ZNF567: variants seen among roughly 807,000 people sequenced by gnomAD.
The protein encoded by ZNF567 is zinc finger protein 567.
Under a neutral mutation model 53.9 loss-of-function variants are expected in ZNF567, and 36 were observed. The observed-to-expected ratio is 0.67, with a 90% CI of 0.51 to 0.88. The LOEUF (loss-of-function observed/expected upper bound fraction) is 0.88, where lower values mean the gene tolerates loss of function less well. ZNF567 is among the 40% of genes least tolerant of loss of function. ZNF567 has a pLI of 0.00. For missense variants in ZNF567, 619 were observed against 764.7 expected (o/e 0.81, Z 2.25); for synonymous variants, 224 against 260.4 (o/e 0.86, Z 1.35).
At position 36,719,447 on chromosome 19, in the gene ZNF567, TAAAAAAAGAAG is replaced by T; in HGVS notation, c.725_735del (p.Lys242SerfsTer5). 1.2e-6 allele frequency: 2 copies of T among 1,610,550 alleles called. No homozygotes were observed. The highest frequency in any genetic ancestry group is 1.7e-6 in the Non-Finnish European group (2 of 1,179,214). ...AAGGAGAAAACCCATCTGTATATAA[TAAAAAAAGAAG>T]AGCAACCAATATTGAAAAAAAACAT... On this transcript the variant is annotated frameshift_variant, in exon 6 of 6. Coordinates refer to ENST00000682579, the MANE Select transcript of ZNF567 (RefSeq NM_001322917.1). LOFTEE classifies it high-confidence loss of function.
At chr19:36,701,016 G>A (rs1172339763) in intron 3 of ZNF567, among the ~76,000 whole-genome samples, 1 of 151,742 alleles carries the variant, frequency 6.6e-6, no homozygotes, top group South Asian at 2.1e-4. Context: ...TGTGATGTTA[G>A]GGTGTCAATT....
Position 36,719,310 on chromosome 19 carries a change from G to C in ZNF567, c.586G>C (p.Val196Leu). The change falls in exon 6 of 6, where the codon GTT becomes CTT. Residue 196 changes from valine (V) to leucine (L), a missense_variant. Physicochemically the swap from Val to Leu is conservative, Grantham distance 32. Transcript: ENST00000682579. ...TGCCAGAGCTTTCAGTCATAATGAA[G>C]TTCTTATGCAGTATCAGAAAACGGA... ...QSARAFSHNE[V>L]LMQYQKTETP... The C allele has an allele frequency of 6.2e-7, 1 of 1,613,328 alleles. No homozygotes were observed.
At chr19:36,712,746 GC>G (rs1568707879) in intron 4 of ZNF567, 34 bp from the exon 5 acceptor site, 1 of 1,590,978 alleles carries the variant, frequency 6.3e-7, no homozygotes, top group Admixed American at 1.7e-5. Context: ...TGGTATTATA[GC>G]CCAATCAACT....
chr19:36,706,771 G>A (rs1476324497), intron 3 of ZNF567, among the ~76,000 whole-genome samples: 5 of 139,868 alleles, frequency 3.6e-5, no homozygotes, highest in South Asian at 2.4e-4. Flanking sequence ...TCCTCCCACC[G>A]TAGCCACCTG....
chr19:36,697,918 CTT>C (rs71171464), intron 3 of ZNF567, among the ~76,000 whole-genome samples: 30,352 of 135,706 alleles, frequency 0.22, 3,060 homozygotes, highest in Middle Eastern at 0.28. Context: ...GCTGGAATTT[CTT>C]TTTTTTTTTT....
At chr19:36,677,525 G>A in the ZNF567 span, among the ~76,000 whole-genome samples, 2 of 148,088 alleles carry the variant, frequency 1.4e-5, no homozygotes, top group African/African-American at 5.0e-5. Context: ...CCAGCACTTT[G>A]GGAGGCCGAG....
At position 36,697,918 on chromosome 19, in the gene ZNF567, C is replaced by CTT. The variant is rs71171464; in HGVS notation, c.9+3059_9+3060dup. 3.4e-4 allele frequency among the ~76,000 whole-genome samples: 46 copies of CTT among 135,730 alleles called. No individual in the cohort carries two copies. In the East Asian group the frequency reaches 7.2e-3, roughly 21 times the overall value. The allele number at this position is 135,730 out of a possible 152,430, so 89.0% of individuals were successfully genotyped here. ...GAGCCACCATGTCCGGCTGGAATTT[C>CTT]TTTTTTTTTTTTTTTTTTATTATAC... On this transcript the variant is annotated intron_variant, in intron 3 of 5. Transcript: ENST00000682579.
intron 2 of ZNF567, among the ~76,000 whole-genome samples, chr19:36,693,345 A>G (rs1187901927): frequency 6.6e-6 from 1 of 152,092 alleles, no homozygotes; most frequent in East Asian, 1.9e-4. Flanking sequence ...GTACATGCCT[A>G]TGGTCCCTGC....
the ZNF567 span, among the ~76,000 whole-genome samples, chr19:36,678,753 A>C: frequency 6.6e-6 from 1 of 151,800 alleles, no homozygotes; most frequent in Non-Finnish European, 1.5e-5. Context: ...CTGAGGCAGG[A>C]GAATGGTGTG....
chr19:36,721,776 G>A (rs762478879), downstream of ZNF567, among the ~76,000 whole-genome samples: 10 of 115,902 alleles, frequency 8.6e-5, no homozygotes, highest in African/African-American at 1.6e-4. Context: ...ACAGAGTCTC[G>A]CTCTGTTGCC....
chr19:36,675,985 C>T, the ZNF567 span, among the ~76,000 whole-genome samples: 43 of 144,306 alleles, frequency 3.0e-4, no homozygotes, highest in African/African-American at 1.1e-3. Context: ...CATAGCTGTA[C>T]ATATAATAAC....
At chr19:36,699,368 T>C (rs1203262839) in intron 3 of ZNF567, among the ~76,000 whole-genome samples, 2 of 152,198 alleles carry the variant, frequency 1.3e-5, no homozygotes, top group African/African-American at 2.4e-5. Context: ...TGCCTCCAGC[T>C]TTGTTCTTTC....
chr19:36,719,106 A>G lies in ZNF567; in HGVS notation c.382A>G (p.Lys128Glu), dbSNP rs753407823. ...FTLGKNPVNS[K>E]NLPPEYDTHG... ...TCTAGGCAAAAACCCTGTGAATTCAAAAAATCTACCTCCTGAATATGATAC... is the reference window on the plus strand; with the variant it reads ...TCTAGGCAAAAACCCTGTGAATTCAGAAAATCTACCTCCTGAATATGATAC... Residue 128 changes from lysine to glutamate, a missense_variant, in exon 6 of 6, where the codon AAA becomes GAA. Coordinates refer to ENST00000682579, the MANE Select transcript of ZNF567 (RefSeq NM_001322917.1). 3 of 1,611,492 alleles carry G rather than the reference A, an allele frequency of 1.9e-6. No individual in the cohort carries two copies. The highest frequency in any genetic ancestry group is 1.7e-6 in the Non-Finnish European group (2 of 1,179,398).
the ZNF567 span, among the ~76,000 whole-genome samples, chr19:36,679,654 C>G: frequency 3.3e-5 from 5 of 152,260 alleles, no homozygotes; most frequent in East Asian, 7.7e-4. Flanking sequence ...CAGCCTTAAA[C>G]ATGAAATTCT....
At chr19:36,695,462 G>A (rs957986384) in intron 3 of ZNF567, among the ~76,000 whole-genome samples, 20 of 152,164 alleles carry the variant, frequency 1.3e-4, no homozygotes, top group Non-Finnish European at 2.6e-4. Flanking sequence ...CCAGGAGGCA[G>A]AGGTTGCAGT....
intron 3 of ZNF567, among the ~76,000 whole-genome samples, chr19:36,706,362 T>A (rs1360388550): frequency 6.6e-6 from 1 of 152,216 alleles, no homozygotes; most frequent in Non-Finnish European, 1.5e-5. Flanking sequence ...GGCACAATCA[T>A]GGCTCACTTC....
chr19:36,719,628 A>C lies in ZNF567; in HGVS notation c.904A>C (p.Thr302Pro). The C allele has an allele frequency of 6.2e-7, 1 of 1,614,034 alleles. No homozygotes were observed. The highest frequency in any genetic ancestry group is 1.1e-5 in the South Asian group (1 of 91,088). Residue 302 changes from threonine to proline, a missense_variant, in exon 6 of 6, where the codon ACT becomes CCT. Coordinates refer to ENST00000682579, the MANE Select transcript of ZNF567 (RefSeq NM_001322917.1). ...ATCATATCTCATTGATCATCAGAGA[A>C]CTCACACAGGAGAGAAACCCTTTGT... ...RKSYLIDHQR[T>P]HTGEKPFVCN...
At chr19:36,710,280 CTTTTTT>C (rs35115492) in intron 3 of ZNF567, among the ~76,000 whole-genome samples, 4 of 76,098 alleles carry the variant, frequency 5.3e-5, no homozygotes, top group African/African-American at 2.0e-4. Context: ...ACTTTGAAGC[CTTTTTT>C]TTTTTTTTTT....
At chr19:36,676,368 C>CT in the ZNF567 span, among the ~76,000 whole-genome samples, 54 of 145,518 alleles carry the variant, frequency 3.7e-4, no homozygotes, top group South Asian at 6.5e-4. Context: ...ACCCAACCAA[C>CT]TTTTTTTTTT....
Sources: gnomAD v4.1 joint callset for allele counts (sites outside exome capture counted in the v4.1 genomes callset) on GRCh38, gnomAD v4.1.1 for gene constraint, MANE v1.5 for transcripts, NCBI Gene and HGNC (gene_info 2026-07-23, HGNC 2026-07-21) for gene names.